WWC1: variants seen among roughly 807,000 people sequenced by gnomAD.
WWC1 encodes the protein WW and C2 domain containing 1.
Under a neutral mutation model 138.4 loss-of-function variants are expected in WWC1, and 55 were observed. That is an observed-to-expected ratio of 0.40 (90% CI 0.32 to 0.50). The LOEUF (loss-of-function observed/expected upper bound fraction) is 0.50. Among genes scored for constraint, WWC1 ranks in the 20% least tolerant of loss-of-function variants. The probability of loss-of-function intolerance (pLI) is 0.72; values close to 1 mark genes in which losing one functional copy is unlikely to be tolerated. For synonymous variants in WWC1, 524 were observed against 564.9 expected (o/e 0.93, Z 1.03); for missense variants, 1,226 against 1,420.4 (o/e 0.86, Z 2.20).
chr5:168,359,380 T>C (rs982204177), intron 1 of WWC1, among the ~76,000 whole-genome samples: 16 of 152,236 alleles, frequency 1.1e-4, no homozygotes. Flanking sequence ...TTTTACCTAA[T>C]ATGTGTCTGA....
intron 1 of WWC1, among the ~76,000 whole-genome samples, chr5:168,363,746 G>T (rs17551259): frequency 1.3e-5 from 2 of 151,988 alleles, no homozygotes; most frequent in African/African-American, 2.4e-5. Context: ...CCATTTTAAC[G>T]CAGCGGTGAC....
At chr5:168,452,949 G>T (rs1328552703) in intron 17 of WWC1, among the ~76,000 whole-genome samples, 2 of 152,200 alleles carry the variant, frequency 1.3e-5, no homozygotes. Flanking sequence ...AACTGTCTGG[G>T]CGCGGTGGCT....
intron 1 of WWC1, among the ~76,000 whole-genome samples, chr5:168,355,034 C>T (rs1311966967): frequency 6.6e-6 from 1 of 152,168 alleles, no homozygotes; most frequent in Non-Finnish European, 1.5e-5. Context: ...CTCAACTCTG[C>T]CAGGGCCTGT....
intron 2 of WWC1, among the ~76,000 whole-genome samples, chr5:168,381,633 A>G (rs779342247): frequency 6.6e-6 from 1 of 152,112 alleles, no homozygotes; most frequent in Non-Finnish European, 1.5e-5. Flanking sequence ...ATGTTCAACC[A>G]GGGGCTCTCA....
chr5:168,363,683 C>T (rs1776066013), intron 1 of WWC1, among the ~76,000 whole-genome samples: 2 of 152,114 alleles, frequency 1.3e-5, no homozygotes, highest in Non-Finnish European at 2.9e-5. Context: ...AAACCTAACT[C>T]ATCCTAACAG....
chr5:168,437,934 G>C (rs1299915684), intron 15 of WWC1, among the ~76,000 whole-genome samples: 1 of 152,168 alleles, frequency 6.6e-6, no homozygotes, highest in East Asian at 1.9e-4. Flanking sequence ...TGTGGCTCCA[G>C]AGTCTGCGAA....
intron 1 of WWC1, among the ~76,000 whole-genome samples, chr5:168,316,330 A>C (rs1771592278): frequency 6.6e-6 from 1 of 152,202 alleles, no homozygotes; most frequent in Admixed American, 6.5e-5. Flanking sequence ...CTGGCTCTGA[A>C]AAACAAAATG....
chr5:168,334,839 C>T (rs778287877), intron 1 of WWC1, among the ~76,000 whole-genome samples: 1 of 152,210 alleles, frequency 6.6e-6, no homozygotes, highest in Non-Finnish European at 1.5e-5. Context: ...TGTGACTGAG[C>T]GCCTGAGCGC....
Position 168,424,079 on chromosome 5 carries a change from C to A in WWC1, c.1810+11C>A. ...AGCAGCTGGGCCAAGGTAGAGAGCA[C>A]CATACCCAGAGGGTGGGAACCAGGA... On this transcript the variant is annotated intron_variant, in intron 11 of 22. Coordinates refer to ENST00000265293, the MANE Select transcript of WWC1 (RefSeq NM_015238.3). 1.9e-6 allele frequency: 3 copies of A among 1,573,672 alleles called. No homozygotes were observed. The highest frequency in any genetic ancestry group is 8.6e-7 in the Non-Finnish European group (1 of 1,160,830).
In WWC1 at chr5:168,431,412, A is replaced by C; in HGVS notation, c.2248A>C (p.Thr750Pro). 1.2e-6 allele frequency: 2 copies of C among 1,613,500 alleles called. No individual in the cohort carries two copies. Among genetic ancestry groups the C allele is most frequent in the Non-Finnish European group, 1.7e-6 (2 of 1,179,918 alleles). ...HQKTLRVDVC[T>P]TDRSHLEECL... ...GAAGACCTTAAGAGTCGATGTCTGT[A>C]CCACCGACAGGAGCCATCTGGAAGA... The change falls in exon 15 of 23, where the codon ACC becomes CCC. Residue 750 changes from threonine to proline, a missense_variant. Coordinates refer to ENST00000265293, the MANE Select transcript of WWC1 (RefSeq NM_015238.3).
rs903503858 is a variant in WWC1, at chr5:168,411,856, T to C, written c.941+1861T>C. 8 of 467,920 alleles carry C rather than the reference T, an allele frequency of 1.7e-5. No individual in the cohort carries two copies. In the South Asian group the frequency reaches 6.4e-4, roughly 37 times the overall value. The allele number at this position is 467,920 out of a possible 1,614,324, so 29.0% of individuals were successfully genotyped here. ...TAGGCATGCGTCGTGTTTCCAGTGC[T>C]GGGAAAAGTCAGCTGTATGGGAACC... On this transcript the variant is annotated intron_variant, in intron 8 of 22. Coordinates refer to ENST00000265293, the MANE Select transcript of WWC1 (RefSeq NM_015238.3).
chr5:168,461,222 C>T (rs1367058819), intron 20 of WWC1, among the ~76,000 whole-genome samples: 1 of 152,086 alleles, frequency 6.6e-6, no homozygotes, highest in Non-Finnish European at 1.5e-5. Context: ...CCAGGCTGTA[C>T]TTGGGAGGCT....
At chr5:168,417,873 G>A (rs1371655551) in intron 9 of WWC1, among the ~76,000 whole-genome samples, 1 of 152,192 alleles carries the variant, frequency 6.6e-6, no homozygotes, top group Non-Finnish European at 1.5e-5. Flanking sequence ...GCTCATGGCT[G>A]TGGGTCTCCC....
chr5:168,300,833 G>A (rs57570575), intron 1 of WWC1, among the ~76,000 whole-genome samples: 3,187 of 152,218 alleles, frequency 0.021, 115 homozygotes, highest in African/African-American at 0.072. Context: ...ATCCACTGAC[G>A]GGTAACAGAC....
At chr5:168,388,964 G>A (rs1232693865) in intron 3 of WWC1, among the ~76,000 whole-genome samples, 1 of 152,100 alleles carries the variant, frequency 6.6e-6, no homozygotes, top group Admixed American at 6.5e-5. Context: ...CCTAATGAGA[G>A]AAAGAAAGAA....
Position 168,428,594 on chromosome 5 carries a change from G to A in WWC1, c.1920-113G>A, listed in dbSNP as rs940805615. On this transcript the variant is annotated intron_variant, in intron 12 of 22. Transcript: ENST00000265293. ...TTAATTAAAATTTAAAAAAGGACCT[G>A]AAGGGAAGCTGAGCAAACCCCAACT... 8.8e-6 allele frequency: 9 copies of A among 1,027,768 alleles called. No individual in the cohort carries two copies. The African/African-American group carries it at 1.3e-4, about 15-fold the overall frequency. 63.7% of individuals were successfully genotyped at this position (1,027,768 alleles called of 1,614,324 possible).
chr5:168,403,796 G>T (rs1446070290), intron 5 of WWC1, among the ~76,000 whole-genome samples: 2 of 151,354 alleles, frequency 1.3e-5, no homozygotes, highest in Non-Finnish European at 2.9e-5. Context: ...CCTCTCTGTG[G>T]CTACTGGGTA....
intron 11 of WWC1, 67 bp from the exon 12 acceptor site, chr5:168,427,966 A>G (rs1781634216): frequency 6.4e-6 from 9 of 1,411,478 alleles, no homozygotes; most frequent in Non-Finnish European, 8.9e-6. Flanking sequence ...CAAAAACAAA[A>G]CAAAATTGGG....
intron 1 of WWC1, among the ~76,000 whole-genome samples, chr5:168,361,033 G>A (rs1775841763): frequency 6.6e-6 from 1 of 152,234 alleles, no homozygotes; most frequent in Non-Finnish European, 1.5e-5. Context: ...AAGGAGTAGG[G>A]CTGCAGGCCT....
Sources: gnomAD v4.1 joint callset for allele counts (sites outside exome capture counted in the v4.1 genomes callset) on GRCh38, gnomAD v4.1.1 for gene constraint, MANE v1.5 for transcripts, NCBI Gene and HGNC (gene_info 2026-07-23, HGNC 2026-07-21) for gene names.